ANKRD30B: variants seen among roughly 807,000 people sequenced by gnomAD.
ANKRD30B encodes the protein ankyrin repeat domain-containing protein 30B.
A neutral mutation model predicts 202.2 loss-of-function variants in ANKRD30B; 144 were observed. That is an observed-to-expected ratio of 0.71 (90% CI 0.62 to 0.82). The LOEUF (loss-of-function observed/expected upper bound fraction) is 0.82. ANKRD30B is among the 40% of genes least tolerant of loss of function. The probability of loss-of-function intolerance (pLI) is 0.00; values close to 1 mark genes in which losing one functional copy is unlikely to be tolerated. For synonymous variants in ANKRD30B, 508 were observed against 561.3 expected, an observed-to-expected ratio of 0.91 and a Z score of 1.34; for missense variants, 1,487 against 1,669.1, an observed-to-expected ratio of 0.89 and a Z score of 1.90.
At chr18:14,865,661 C>T in the ANKRD30B span, among the ~76,000 whole-genome samples, 26 of 151,028 alleles carry the variant, frequency 1.7e-4, no homozygotes, top group Non-Finnish European at 2.8e-4. Context: ...TTATGCAATG[C>T]CTTCTCCAGC....
At position 14,780,539 on chromosome 18, in the gene ANKRD30B, G is replaced by A. The variant is rs373802559; in HGVS notation, c.1482+518G>A. On this transcript the variant is annotated intron_variant, in intron 11 of 43. Transcript: ENST00000690538. ...TTTGCAGAATGAGTTTTAAACACTA[G>A]TGTAGTATAGTATAAAAAATAAGGC... is the stretch of plus-strand genomic sequence containing the variant. 1.7e-3 allele frequency among the ~76,000 whole-genome samples: 249 copies of A among 144,684 alleles called. 6 individuals carry two copies. In the South Asian group the frequency reaches 0.037, roughly 21 times the overall value. The allele number at this position is 144,684 out of a possible 152,430, so 94.9% of individuals were successfully genotyped here. A position where few individuals can be genotyped will look rare whatever the true frequency, so the allele number is the denominator to read the frequency against.
At chr18:14,749,264 A>C (rs1245190917) in intron 1 of ANKRD30B, among the ~76,000 whole-genome samples, 2 of 152,248 alleles carry the variant, frequency 1.3e-5, no homozygotes, top group Non-Finnish European at 2.9e-5. Flanking sequence ...AAAGCTATTA[A>C]CGTTTTAACA....
intron 24 of ANKRD30B, among the ~76,000 whole-genome samples, chr18:14,807,615 T>C (rs1369058711): frequency 1.3e-5 from 2 of 148,732 alleles, no homozygotes; most frequent in African/African-American, 5.0e-5. Context: ...CACTGCCACC[T>C]GGGCCTCCTG....
intron 6 of ANKRD30B, among the ~76,000 whole-genome samples, chr18:14,761,508 A>C (rs1177973009): frequency 6.6e-6 from 1 of 152,192 alleles, no homozygotes; most frequent in African/African-American, 2.4e-5. Flanking sequence ...ATTTAGATAA[A>C]CTACTCTACT....
chr18:14,760,085 T>C (rs1220258241), intron 5 of ANKRD30B, among the ~76,000 whole-genome samples: 12 of 152,200 alleles, frequency 7.9e-5, no homozygotes, highest in Non-Finnish European at 1.5e-5. Context: ...GTTTCAGCAA[T>C]AAGATTCAAG....
chr18:14,940,219 C>T, the ANKRD30B span, among the ~76,000 whole-genome samples: 1 of 152,218 alleles, frequency 6.6e-6, no homozygotes, highest in Non-Finnish European at 1.5e-5. Flanking sequence ...TGTCACCCAG[C>T]CTCCCTGCTG....
the ANKRD30B span, among the ~76,000 whole-genome samples, chr18:14,914,500 G>A: frequency 4.6e-5 from 7 of 152,230 alleles, no homozygotes; most frequent in Admixed American, 3.9e-4. Flanking sequence ...CTGATGGAAA[G>A]ATTGTCTGTT....
chr18:14,817,489 G>A (rs1490161305), intron 30 of ANKRD30B, among the ~76,000 whole-genome samples: 1 of 152,132 alleles, frequency 6.6e-6, no homozygotes, highest in Non-Finnish European at 1.5e-5. Context: ...CCATACATAG[G>A]ATTCCTAAAT....
At chr18:14,824,431 AC>A (rs1970582271) in intron 32 of ANKRD30B, among the ~76,000 whole-genome samples, 1 of 147,806 alleles carries the variant, frequency 6.8e-6, no homozygotes. Flanking sequence ...TTACCTCACT[AC>A]CCCCTCTGCC....
the ANKRD30B span, among the ~76,000 whole-genome samples, chr18:14,899,369 G>T: frequency 0.011 from 1,690 of 152,002 alleles, 36 homozygotes; most frequent in African/African-American, 0.039. Flanking sequence ...AATATATGTT[G>T]AAATATAAAT....
Position 14,854,323 on chromosome 18 carries a change from T to A in ANKRD30B, c.*165T>A, listed in dbSNP as rs1417186362. 1.3e-5 allele frequency among the ~76,000 whole-genome samples: 2 copies of A among 152,124 alleles called. No homozygotes were observed. The highest frequency in any genetic ancestry group is 1.9e-4 in the East Asian group (1 of 5,184). On this transcript the variant is annotated 3_prime_UTR_variant, in exon 44 of 44. Coordinates refer to ENST00000690538, the MANE Select transcript of ANKRD30B (RefSeq NM_001367607.2). ...GATAGGATGTACAGAACTAAAATGATAAAAGTCATATAACAATGGTACCCT... is the reference window on the plus strand; with the variant it reads ...GATAGGATGTACAGAACTAAAATGAAAAAAGTCATATAACAATGGTACCCT...
At chr18:14,863,571 A>G in the ANKRD30B span, among the ~76,000 whole-genome samples, 7 of 152,340 alleles carry the variant, frequency 4.6e-5, no homozygotes, top group African/African-American at 1.7e-4. Context: ...ATTTAAAAAA[A>G]ATCTGAATAA....
chr18:14,799,249 TC>T lies in ANKRD30B; in HGVS notation c.2087del (p.Pro696GlnfsTer5). 1 of 1,558,724 alleles carries T rather than the reference TC, an allele frequency of 6.4e-7. No individual in the cohort carries two copies. Among genetic ancestry groups the T allele is most frequent in the Non-Finnish European group, 8.7e-7 (1 of 1,153,710 alleles). Reference sequence around the variant, plus strand: ...CTACCTGTGGAAGGAAAGTTTCTCTTCCAAATAAAGCTTTAGAATTGAAGGA... The same window carrying T: ...CTACCTGTGGAAGGAAAGTTTCTCTTCAAATAAAGCTTTAGAATTGAAGGA... ...KPTCGRKVSL[P>X]NKALELKDRE... is the part of the protein sequence containing the mutation. On this transcript the variant is annotated frameshift_variant, in exon 22 of 44. Coordinates refer to ENST00000690538, the MANE Select transcript of ANKRD30B (RefSeq NM_001367607.2). LOFTEE classifies it high-confidence loss of function.
intron 32 of ANKRD30B, chr18:14,825,050 T>C (rs1970605257): frequency 2.6e-5 from 4 of 152,206 alleles, no homozygotes; most frequent in Non-Finnish European, 4.4e-5. Flanking sequence ...TACTTTCATA[T>C]ACTGTTTCTT....
Position 14,764,010 on chromosome 18 carries a change from A to G in ANKRD30B, c.1145A>G (p.Lys382Arg). The change falls in exon 7 of 44, where the codon AAA becomes AGA. Residue 382 changes from lysine (K) to arginine (R), a missense_variant. By Grantham distance (26) the Lys-to-Arg change is conservative. Around this residue, in one of 6 missense-constraint regions of ANKRD30B, gnomAD observed 889 missense variants for 841.4 expected, o/e 1.06. Coordinates refer to ENST00000690538, the MANE Select transcript of ANKRD30B (RefSeq NM_001367607.2). ...TGCGTGGCAGGAGTAACACCTAATA[A>G]AACTGAAGTTTTGGAAAAAGGAACA... Reference protein sequence around the residue: ...TECVAGVTPNKTEVLEKGTSN... With the variant: ...TECVAGVTPNRTEVLEKGTSN... The G allele has an allele frequency of 1.3e-6, 2 of 1,576,514 alleles. No individual in the cohort carries two copies. The highest frequency in any genetic ancestry group is 8.6e-7 in the Non-Finnish European group (1 of 1,167,270).
intron 16 of ANKRD30B, among the ~76,000 whole-genome samples, chr18:14,794,077 G>A (rs1389214500): frequency 6.6e-6 from 1 of 152,074 alleles, no homozygotes; most frequent in African/African-American, 2.4e-5. Context: ...AGGATGCACA[G>A]CCATACATTT....
the ANKRD30B span, among the ~76,000 whole-genome samples, chr18:14,880,189 G>A: frequency 2.6e-5 from 4 of 152,014 alleles, no homozygotes; most frequent in East Asian, 1.9e-4. Context: ...TCAGTTGGCT[G>A]TAAGTATTTG....
At chr18:14,932,432 G>A in the ANKRD30B span, among the ~76,000 whole-genome samples, 1 of 152,158 alleles carries the variant, frequency 6.6e-6, no homozygotes, top group African/African-American at 2.4e-5. Flanking sequence ...CGCCTCCCGG[G>A]TTCACGACAT....
the ANKRD30B span, among the ~76,000 whole-genome samples, chr18:14,921,136 G>C: frequency 6.6e-6 from 1 of 152,212 alleles, no homozygotes; most frequent in Admixed American, 6.5e-5. Flanking sequence ...CAGTGGTGGA[G>C]AGGGCAGGAG....
Sources: allele counts gnomAD v4.1 joint callset (sites outside exome capture counted in the v4.1 genomes callset), GRCh38; gene constraint gnomAD v4.1.1; regional missense constraint gnomAD v4.1.1; transcripts MANE v1.5; gene names NCBI Gene and HGNC (gene_info 2026-07-23, HGNC 2026-07-21).